The following MED27 variants were observed in gnomAD, a reference collection of about 807,000 sequenced individuals.
The protein encoded by MED27 is mediator of RNA polymerase II transcription subunit 27.
MED27 carries 30 observed loss-of-function variants against 38.2 expected under a neutral mutation model. The ratio of observed to expected loss-of-function variants is 0.79; its 90% CI spans 0.59 to 1.07. The LOEUF (loss-of-function observed/expected upper bound fraction) is 1.07, where lower values mean the gene tolerates loss of function less well. Among genes scored for constraint, MED27 ranks in the 50% least tolerant of loss-of-function variants. The pLI is 0.00. For missense variants in MED27, 289 were observed against 397.5 expected (o/e 0.73, Z 2.32); for synonymous variants, 122 against 153.5 (o/e 0.79, Z 1.52).
chr9:131,899,443 C>G (rs983834114), intron 4 of MED27, among the ~76,000 whole-genome samples: 1 of 152,196 alleles, frequency 6.6e-6, no homozygotes, highest in Admixed American at 6.5e-5. Flanking sequence ...TCAATTGCTC[C>G]TACTCTCCAG....
chr9:131,937,116 C>T, intron 4 of MED27, among the ~76,000 whole-genome samples: 1 of 152,180 alleles, frequency 6.6e-6, no homozygotes, highest in Non-Finnish European at 1.5e-5. Context: ...TCCTGCTCCC[C>T]CTCCAGGTAG....
At chr9:132,077,630 C>T (rs750497423) in intron 1 of MED27, 44 bp from the exon 2 acceptor site, 3 of 1,610,120 alleles carry the variant, frequency 1.9e-6, no homozygotes, top group Non-Finnish European at 2.5e-6. Context: ...AGCCCATTTA[C>T]ACTCCAGGGT....
rs934653110 is a variant in MED27 at position 132,079,522 on chromosome 9, A to G, written c.203+120T>C. On this transcript the variant is annotated intron_variant, in intron 1 of 7. Coordinates refer to ENST00000292035, the MANE Select transcript of MED27 (RefSeq NM_004269.4). ...AGGCAGAGGCTTGGAGAACAAGAAG[A>G]GAAAGAACAGGGATCAAGGGAAACG... 26 of 894,734 alleles carry G rather than the reference A, an allele frequency of 2.9e-5. No homozygotes were observed. In the South Asian group the frequency reaches 3.6e-4, roughly 12 times the overall value. The allele number at this position is 894,734 out of a possible 1,614,324, so 55.4% of individuals were successfully genotyped here. A position where few individuals can be genotyped will look rare whatever the true frequency, so the allele number is the denominator to read the frequency against.
At position 131,929,986 on chromosome 9, in the gene MED27, C is replaced by G. The variant is rs1830552997; in HGVS notation, c.573+9395G>C. 1.3e-5 allele frequency among the ~76,000 whole-genome samples: 2 copies of G among 152,214 alleles called. 1 individual carries two copies. Among genetic ancestry groups the G allele is most frequent in the Middle Eastern group, 6.3e-3 (2 of 316 alleles). ...AGCACAGTCTCAGGAGTGGTGGCCA[C>G]AGTGGTGTTTGCATCACCTCATCTC... On this transcript the variant is annotated intron_variant, in intron 4 of 7. Transcript: ENST00000292035.
At chr9:131,916,923 G>A (rs148929642) in intron 4 of MED27, among the ~76,000 whole-genome samples, 4 of 152,278 alleles carry the variant, frequency 2.6e-5, no homozygotes, top group Non-Finnish European at 5.9e-5. Flanking sequence ...AAGGAAGGTG[G>A]GGCTATCTCG....
intron 3 of MED27, among the ~76,000 whole-genome samples, chr9:131,976,348 G>A (rs1831608384): frequency 6.6e-6 from 1 of 152,176 alleles, no homozygotes; most frequent in Non-Finnish European, 1.5e-5. Flanking sequence ...TGCAATGCTG[G>A]AGATTCAATT....
chr9:131,930,201 A>G (rs763404555), intron 4 of MED27, among the ~76,000 whole-genome samples: 2 of 152,226 alleles, frequency 1.3e-5, no homozygotes, highest in Non-Finnish European at 2.9e-5. Flanking sequence ...TCCAAGGGGT[A>G]ACATCAGATC....
chr9:131,970,398 G>A (rs1034581703), intron 3 of MED27, among the ~76,000 whole-genome samples: 7 of 152,212 alleles, frequency 4.6e-5, no homozygotes, highest in African/African-American at 1.4e-4. Context: ...CCTCACTGAG[G>A]CCAGGAGGCC....
intron 4 of MED27, among the ~76,000 whole-genome samples, chr9:131,939,005 G>A (rs370018182): frequency 3.9e-5 from 6 of 152,216 alleles, no homozygotes; most frequent in East Asian, 3.9e-4. Context: ...GAGTCACCGC[G>A]CCTGGCGAGA....
intron 2 of MED27, among the ~76,000 whole-genome samples, chr9:132,039,770 G>A (rs1008986686): frequency 6.6e-6 from 1 of 152,146 alleles, no homozygotes; most frequent in Non-Finnish European, 1.5e-5. Flanking sequence ...TGTGTGCTCC[G>A]TTCAGTGCTG....
At chr9:132,001,545 G>GA (rs993381015) in intron 3 of MED27, among the ~76,000 whole-genome samples, 11 of 151,802 alleles carry the variant, frequency 7.2e-5, no homozygotes, top group African/African-American at 2.4e-4. Context: ...ATATTCAAAA[G>GA]AAAAAAAACA....
intron 5 of MED27, among the ~76,000 whole-genome samples, chr9:131,892,609 G>A (rs1315598612): frequency 6.6e-6 from 1 of 152,156 alleles, no homozygotes; most frequent in Non-Finnish European, 1.5e-5. Flanking sequence ...TACCAGGAGT[G>A]ACTATGAAGT....
In MED27 at chr9:132,078,349, G is replaced by A. The variant is rs192343404; in HGVS notation, c.204-763C>T. The stretch of plus-strand genomic sequence containing the variant: ...AGATTTAAGAAGGCAAAAGGATAAT[G>A]TCAGCACTCTTAAAGTTTCTATTTA... On this transcript the variant is annotated intron_variant, in intron 1 of 7. Coordinates refer to ENST00000292035, the MANE Select transcript of MED27 (RefSeq NM_004269.4). Among the ~76,000 whole-genome samples, 30 of 152,232 alleles carry A rather than the reference G, an allele frequency of 2.0e-4. No homozygotes were observed. The East Asian group carries it at 4.2e-3, about 22-fold the overall frequency.
chr9:131,884,118 A>C lies in MED27; in HGVS notation c.682-19T>G. 6.3e-7 allele frequency: 1 copy of C among 1,596,060 alleles called. No homozygotes were observed. Among genetic ancestry groups the C allele is most frequent in the Non-Finnish European group, 8.5e-7 (1 of 1,170,636 alleles). ...TATCAAGCTGAGGGGAAAGGAGAGAAGGATCATCAGCATCGGTCTTAGAAT... is the reference window on the plus strand; with the variant it reads ...TATCAAGCTGAGGGGAAAGGAGAGACGGATCATCAGCATCGGTCTTAGAAT... On this transcript the variant is annotated intron_variant, in intron 5 of 7. Coordinates refer to ENST00000292035, the MANE Select transcript of MED27 (RefSeq NM_004269.4).
chr9:131,996,487 A>G (rs759141519), intron 3 of MED27, among the ~76,000 whole-genome samples: 1 of 152,220 alleles, frequency 6.6e-6, no homozygotes, highest in Non-Finnish European at 1.5e-5. Context: ...TCTTGATCCC[A>G]CGAAGCTTCT....
rs1006022334 is a variant in MED27, at chr9:131,982,643, A to G, written c.479+31694T>C. On this transcript the variant is annotated intron_variant, in intron 3 of 7. Coordinates refer to ENST00000292035, the MANE Select transcript of MED27 (RefSeq NM_004269.4). This position sits in a 1 kb window ranked among gnomAD's most constrained non-coding sequence, Gnocchi z 4.3. The stretch of plus-strand genomic sequence containing the variant: ...CAAGTAACTTGGTCCACAGCTACTG[A>G]TGGGGAGGTGGATTTGAACCCAGTC... 3.3e-5 allele frequency among the ~76,000 whole-genome samples: 5 copies of G among 152,128 alleles called. No individual in the cohort carries two copies. The highest frequency in any genetic ancestry group is 7.4e-5 in the Non-Finnish European group (5 of 68,018).
At chr9:131,878,061 G>A (rs533390473) in intron 6 of MED27, among the ~76,000 whole-genome samples, 1 of 152,124 alleles carries the variant, frequency 6.6e-6, no homozygotes, top group African/African-American at 2.4e-5. Context: ...GATTACCTGA[G>A]ATCAGGAGTT....
At chr9:131,873,889 T>C (rs974662652) in intron 6 of MED27, among the ~76,000 whole-genome samples, 1 of 152,190 alleles carries the variant, frequency 6.6e-6, no homozygotes. Context: ...GTTCCAACCT[T>C]ATCCTCTTTA....
chr9:132,065,739 G>T (rs770539679), intron 2 of MED27, among the ~76,000 whole-genome samples: 3 of 152,246 alleles, frequency 2.0e-5, no homozygotes, highest in Non-Finnish European at 2.9e-5. Context: ...GATCACACCT[G>T]TCCCCAGTGA....
Sources: gnomAD v4.1 joint callset for allele counts (sites outside exome capture counted in the v4.1 genomes callset) on GRCh38, gnomAD v4.1.1 for gene constraint, Gnocchi (gnomAD v3.1) non-coding constraint, MANE v1.5 for transcripts, NCBI Gene and HGNC (gene_info 2026-07-23, HGNC 2026-07-21) for gene names.